Variants in ANO3 observed in about 807,000 individuals in gnomAD.
The protein encoded by ANO3 is anoctamin 3.
In ANO3, 99 loss-of-function variants were observed where a neutral mutation model predicts 144.8. The observed-to-expected ratio is 0.68, with a 90% CI of 0.58 to 0.81. The LOEUF is 0.81. Ranked by LOEUF, ANO3 falls within the 30% of genes least tolerant of loss-of-function variation. The probability of loss-of-function intolerance (pLI) is 0.00; values close to 1 mark genes in which losing one functional copy is unlikely to be tolerated. For missense variants in ANO3, 905 were observed against 1,202.2 expected (o/e 0.75, Z 3.66); for synonymous variants, 414 against 392.6 (o/e 1.05, Z -0.64).
intron 1 of ANO3, among the ~76,000 whole-genome samples, chr11:26,344,647 G>A (rs1243452761): frequency 6.6e-6 from 1 of 152,082 alleles, no homozygotes; most frequent in African/African-American, 2.4e-5. Flanking sequence ...TTACAGACGT[G>A]AGCCACCCCG....
At chr11:26,492,708 A>G (rs1003212753) in intron 4 of ANO3, among the ~76,000 whole-genome samples, 4 of 152,194 alleles carry the variant, frequency 2.6e-5, no homozygotes, top group African/African-American at 9.6e-5. Flanking sequence ...TGTTTTGTTC[A>G]GTGTTTTTCA....
rs1343884023 is a variant in ANO3 at position 26,239,963 on chromosome 11, T to C, written c.154+50633T>C. On this transcript the variant is annotated intron_variant, in intron 1 of 27. Coordinates refer to the ANO3 transcript ENST00000672621. ...GAGGAGAAGAGAGTGGTATAGTACA[T>C]ATTACAGTATAGTATAATATAGTAG... Among the ~76,000 whole-genome samples, 3 of 152,190 alleles carry C rather than the reference T, an allele frequency of 2.0e-5. 1 individual carries two copies. Among genetic ancestry groups the C allele is most frequent in the Non-Finnish European group, 1.5e-5 (1 of 68,024 alleles).
intron 1 of ANO3, among the ~76,000 whole-genome samples, chr11:26,290,583 G>A (rs1853933833): frequency 6.6e-6 from 1 of 152,156 alleles, no homozygotes; most frequent in Non-Finnish European, 1.5e-5. Context: ...TGCTTTAAAT[G>A]TGTCCCAGAG....
Position 26,302,451 on chromosome 11 carries a change from C to T in ANO3, c.155-7194C>T, listed in dbSNP as rs553834348. Among the ~76,000 whole-genome samples, 31 of 152,158 alleles carry T rather than the reference C, an allele frequency of 2.0e-4. No individual in the cohort carries two copies. The East Asian group carries it at 5.4e-3, about 27-fold the overall frequency. On this transcript the variant is annotated intron_variant, in intron 1 of 27. Transcript: ENST00000672621. ...CAGTGGTTGCAGTGAGGTGAGATGG[C>T]GCCACTGCACTTCAGCCTGGCAACA... is the stretch of plus-strand genomic sequence containing the variant.
intron 4 of ANO3, among the ~76,000 whole-genome samples, chr11:26,505,032 AAAAAAAAG>A (rs1301846122): frequency 0.047 from 6,845 of 145,554 alleles, 238 homozygotes; most frequent in Admixed American, 0.079. Flanking sequence ...AAAAAAAAAA[AAAAAAAAG>A]AAGAGAAAAG....
Position 26,662,579 on chromosome 11 carries a change from C to A in ANO3, c.*2135C>A, listed in dbSNP as rs1565174979. The A allele has an allele frequency of 6.6e-6, 1 of 151,914 alleles. No homozygotes were observed. The highest frequency in any genetic ancestry group is 1.5e-5 in the Non-Finnish European group (1 of 67,956). 9.4% of individuals were successfully genotyped at this position (151,914 alleles called of 1,614,324 possible). A position where few individuals can be genotyped will look rare whatever the true frequency, so the allele number is the denominator to read the frequency against. ...TCTATCCTTAAGAAGTATTTCCTTT[C>A]CTTTTTATATAGTCCCGTTAGGGTT... On this transcript the variant is annotated 3_prime_UTR_variant, in exon 27 of 27. Coordinates refer to ENST00000256737, the MANE Select transcript of ANO3 (RefSeq NM_031418.4).
chr11:26,245,002 TG>T (rs1852752251), intron 1 of ANO3, among the ~76,000 whole-genome samples: 2 of 138,956 alleles, frequency 1.4e-5, no homozygotes, highest in Non-Finnish European at 3.2e-5. Flanking sequence ...TGTGTGTGTG[TG>T]TGTGTGTGTG....
intron 1 of ANO3, among the ~76,000 whole-genome samples, chr11:26,246,690 C>G (rs1351300492): frequency 7.6e-6 from 1 of 131,842 alleles, no homozygotes; most frequent in Non-Finnish European, 1.7e-5. Context: ...GTTGTAGCTC[C>G]CATAATCCTC....
At position 26,205,679 on chromosome 11, in the gene ANO3, C is replaced by T. The variant is rs146383623; in HGVS notation, c.154+16349C>T. Among the ~76,000 whole-genome samples the T allele has an allele frequency of 3.3e-3, 500 of 152,216 alleles. 5 individuals carry two copies. The highest frequency in any genetic ancestry group is 0.01 in the African/African-American group (431 of 41,562). On this transcript the variant is annotated intron_variant, in intron 1 of 27. Coordinates refer to the ANO3 transcript ENST00000672621. ...TCACTATCAAGCTGTTTTGAATATACCTGGCTTTTAAGCATAAGACCCAAT... is the reference window on the plus strand; with the variant it reads ...TCACTATCAAGCTGTTTTGAATATATCTGGCTTTTAAGCATAAGACCCAAT...
At chr11:26,575,790 A>G (rs1305532205) in intron 14 of ANO3, among the ~76,000 whole-genome samples, 3 of 152,274 alleles carry the variant, frequency 2.0e-5, no homozygotes, top group African/African-American at 7.2e-5. Flanking sequence ...TAGTACTTGA[A>G]GCTGTTCATA....
At chr11:26,634,444 A>T (rs1852886284) in intron 19 of ANO3, 129 bp downstream of exon 19, 4 of 606,702 alleles carry the variant, frequency 6.6e-6, no homozygotes, top group Non-Finnish European at 5.8e-6. Context: ...CAAAAAAATA[A>T]AACCTATTTG....
chr11:26,637,533 G>A (rs561684530), intron 20 of ANO3, among the ~76,000 whole-genome samples: 2 of 152,274 alleles, frequency 1.3e-5, no homozygotes, highest in East Asian at 1.9e-4. Flanking sequence ...TTGCAGCTGT[G>A]ATCTGTGATT....
chr11:26,496,995 T>TATATATATATATATAC (rs1206312744), intron 4 of ANO3, among the ~76,000 whole-genome samples: 1 of 126,606 alleles, frequency 7.9e-6, no homozygotes, highest in Non-Finnish European at 1.7e-5. Context: ...TATATATATA[T>TATATATATATATATAC]ACACACACAG....
Position 26,565,209 on chromosome 11 carries a change from G to A in ANO3, c.1447+5430G>A, listed in dbSNP as rs768017367. On this transcript the variant is annotated intron_variant, in intron 14 of 26. Coordinates refer to ENST00000256737, the MANE Select transcript of ANO3 (RefSeq NM_031418.4). Reference sequence around the variant, plus strand: ...ATTTGGAAAGAGTTTTGAATTATTGGTGAATTTTAAGGTAGGCTGTAGAGT... The same window carrying A: ...ATTTGGAAAGAGTTTTGAATTATTGATGAATTTTAAGGTAGGCTGTAGAGT... The A allele has an allele frequency of 1.3e-5, 20 of 1,509,214 alleles. No homozygotes were observed. Among genetic ancestry groups the A allele is most frequent in the Non-Finnish European group, 1.6e-5 (18 of 1,128,492 alleles). The allele number at this position is 1,509,214 out of a possible 1,614,324, so 93.5% of individuals were successfully genotyped here. A position where few individuals can be genotyped will look rare whatever the true frequency, so the allele number is the denominator to read the frequency against.
intron 4 of ANO3, among the ~76,000 whole-genome samples, chr11:26,476,434 G>A (rs1040283694): frequency 3.3e-5 from 5 of 152,020 alleles, no homozygotes; most frequent in African/African-American, 1.2e-4. Flanking sequence ...GGGCCCTGGT[G>A]TGGAAAGTAT....
At chr11:26,242,273 C>T (rs550459373) in intron 1 of ANO3, among the ~76,000 whole-genome samples, 1 of 152,268 alleles carries the variant, frequency 6.6e-6, no homozygotes, top group South Asian at 2.1e-4. Context: ...ATGTAATATG[C>T]ACTTCCTGTC....
Position 26,565,577 on chromosome 11 carries a change from C to T in ANO3, c.1447+5798C>T, listed in dbSNP as rs748600068. 9.3e-6 allele frequency: 15 copies of T among 1,613,154 alleles called. No homozygotes were observed. The East Asian group carries it at 2.9e-4, about 31-fold the overall frequency. On this transcript the variant is annotated intron_variant, in intron 14 of 26. Transcript: ENST00000256737. ...TGGGTTTTAGACTGCCCAAAGAATG[C>T]TCTGCTGATGAGTTACTGGAGAAAT...
Position 26,454,499 on chromosome 11 carries a change from C to A in ANO3, c.314-8531C>A, listed in dbSNP as rs570369969. Among the ~76,000 whole-genome samples, 12 of 152,330 alleles carry A rather than the reference C, an allele frequency of 7.9e-5. No individual in the cohort carries two copies. The East Asian group carries it at 2.3e-3, about 29-fold the overall frequency. ...TAGAAGAAATGGATAAATTCCTCAA[C>A]ATATATGCTCTCCCAAGACTAAACA... is the stretch of plus-strand genomic sequence containing the variant. On this transcript the variant is annotated intron_variant, in intron 3 of 26. Transcript: ENST00000256737.
At chr11:26,303,337 T>A (rs928679402) in intron 1 of ANO3, among the ~76,000 whole-genome samples, 1 of 152,132 alleles carries the variant, frequency 6.6e-6, no homozygotes, top group African/African-American at 2.4e-5. Context: ...AAATGTGGTA[T>A]ATATACACCA....
Sources: allele counts gnomAD v4.1 joint callset (sites outside exome capture counted in the v4.1 genomes callset), GRCh38; gene constraint gnomAD v4.1.1; transcripts MANE v1.5; gene names NCBI Gene and HGNC (gene_info 2026-07-23, HGNC 2026-07-21).